The following HLCS variants were observed in gnomAD, a reference collection of about 807,000 sequenced individuals.
HLCS encodes biotin--protein ligase.
Under a neutral mutation model 75.0 loss-of-function variants are expected in HLCS, and 53 were observed. That is an observed-to-expected ratio of 0.71 (90% CI 0.57 to 0.89). The LOEUF is 0.89. HLCS is among the 40% of genes least tolerant of loss of function. HLCS has a pLI of 0.00. For synonymous variants in HLCS, 431 were observed against 428.6 expected (o/e 1.01, Z -0.07); for missense variants, 966 against 1,074.0 (o/e 0.90, Z 1.41).
At chr21:36,809,070 T>C (rs1199772261) in intron 6 of HLCS, among the ~76,000 whole-genome samples, 1 of 151,932 alleles carries the variant, frequency 6.6e-6, no homozygotes, top group African/African-American at 2.4e-5. Flanking sequence ...AAAAAATAGC[T>C]GGGTGTGGTG....
At chr21:36,881,827 G>A (rs953138077) in intron 6 of HLCS, among the ~76,000 whole-genome samples, 5 of 152,128 alleles carry the variant, frequency 3.3e-5, no homozygotes, top group African/African-American at 9.7e-5. Context: ...GGACAGGGGG[G>A]CTCTGCACCA....
intron 6 of HLCS, among the ~76,000 whole-genome samples, chr21:36,861,946 C>A (rs933073611): frequency 3.3e-5 from 5 of 152,194 alleles, no homozygotes; most frequent in Admixed American, 2.0e-4. Context: ...CCTCCACCCC[C>A]CTCAACCAAT....
intron 6 of HLCS, among the ~76,000 whole-genome samples, chr21:36,771,996 C>CA (rs398061730): frequency 0.066 from 7,065 of 107,042 alleles, 179 homozygotes; most frequent in Middle Eastern, 0.17. Flanking sequence ...GACTCCAACT[C>CA]AAAAAAAAAA....
At chr21:36,901,933 T>C (rs1275011572) in intron 5 of HLCS, among the ~76,000 whole-genome samples, 3 of 151,564 alleles carry the variant, frequency 2.0e-5, no homozygotes, top group Non-Finnish European at 4.4e-5. Context: ...GCAAAAGAGA[T>C]TGAGAAAGGG....
chr21:36,893,529 C>T (rs575659713), intron 6 of HLCS, among the ~76,000 whole-genome samples: 1 of 152,160 alleles, frequency 6.6e-6, no homozygotes, highest in Admixed American at 6.5e-5. Context: ...ACCTTTTTGG[C>T]ACCAGGGTCC....
At chr21:36,814,448 A>G (rs2061601963) in intron 6 of HLCS, among the ~76,000 whole-genome samples, 1 of 152,264 alleles carries the variant, frequency 6.6e-6, no homozygotes, top group Non-Finnish European at 1.5e-5. Context: ...TGCATGGGAT[A>G]TACTTACACT....
intron 1 of HLCS, among the ~76,000 whole-genome samples, chr21:36,980,196 TAAA>T (rs113653823): frequency 1.4e-5 from 2 of 139,714 alleles, no homozygotes; most frequent in African/African-American, 5.4e-5. Flanking sequence ...TGACTATATT[TAAA>T]AAAAAAAAAA....
chr21:36,836,733 C>T (rs958158150), intron 6 of HLCS, among the ~76,000 whole-genome samples: 12 of 151,898 alleles, frequency 7.9e-5, no homozygotes, highest in African/African-American at 2.9e-4. Context: ...CAAAAGAAGA[C>T]ATTTATGCAG....
At chr21:36,941,357 A>G (rs2067133779) in intron 2 of HLCS, among the ~76,000 whole-genome samples, 1 of 152,214 alleles carries the variant, frequency 6.6e-6, no homozygotes, top group African/African-American at 2.4e-5. Context: ...AAGAACTGTG[A>G]GTCAATTAAA....
intron 6 of HLCS, among the ~76,000 whole-genome samples, chr21:36,838,305 C>CAT: frequency 6.6e-6 from 1 of 151,706 alleles, no homozygotes. Flanking sequence ...TGATCACACA[C>CAT]ACACACACAC....
At chr21:36,909,850 G>A (rs770645725) in intron 5 of HLCS, among the ~76,000 whole-genome samples, 33 of 152,314 alleles carry the variant, frequency 2.2e-4, no homozygotes, top group Non-Finnish European at 1.0e-4. Flanking sequence ...TGATCTCCAT[G>A]TATGTTTTGG....
chr21:36,945,962 C>A, intron 2 of HLCS: 1 of 220,728 alleles, frequency 4.5e-6, no homozygotes. Context: ...ACTCAAATTC[C>A]CCATGCTTCA....
intron 6 of HLCS, among the ~76,000 whole-genome samples, chr21:36,857,439 C>A (rs767133585): frequency 1.3e-5 from 2 of 152,296 alleles, no homozygotes; most frequent in Middle Eastern, 6.8e-3. Flanking sequence ...AGTCCTATTC[C>A]GAAGAGGTTC....
intron 1 of HLCS, among the ~76,000 whole-genome samples, chr21:36,988,311 C>A (rs897946481): frequency 6.6e-6 from 1 of 152,062 alleles, no homozygotes; most frequent in Non-Finnish European, 1.5e-5. Context: ...AGTAGCCTAA[C>A]ACAGTACTCT....
chr21:36,938,420 G>C (rs1455381047), intron 3 of HLCS, among the ~76,000 whole-genome samples: 1 of 152,144 alleles, frequency 6.6e-6, no homozygotes, highest in Non-Finnish European at 1.5e-5. Context: ...CAAACCTGTG[G>C]ACTGAATTAA....
At chr21:36,799,654 T>A (rs988865869) in intron 6 of HLCS, among the ~76,000 whole-genome samples, 6 of 152,160 alleles carry the variant, frequency 3.9e-5, no homozygotes. Context: ...ACACCCCACC[T>A]GCATGCTCAC....
chr21:36,780,941 A>T (rs907541010), intron 6 of HLCS, among the ~76,000 whole-genome samples: 1 of 61,358 alleles, frequency 1.6e-5, no homozygotes, highest in African/African-American at 5.9e-5. Context: ...CCACCCCCCC[A>T]CCCCCCAGGC....
At chr21:36,939,121 T>A (rs1170566247) in intron 2 of HLCS, 127 bp from the exon 3 acceptor site, 7 of 778,616 alleles carry the variant, frequency 9.0e-6, no homozygotes, top group Non-Finnish European at 1.4e-5. Context: ...TAATAACAAA[T>A]TACTGGATAT....
At chr21:36,806,523 C>T (rs1050377323) in intron 6 of HLCS, among the ~76,000 whole-genome samples, 3 of 151,914 alleles carry the variant, frequency 2.0e-5, no homozygotes, top group Admixed American at 2.0e-4. Flanking sequence ...ATCTTTTGAC[C>T]GCACAGCAAA....
Sources: allele counts gnomAD v4.1 joint callset (sites outside exome capture counted in the v4.1 genomes callset), GRCh38; gene constraint gnomAD v4.1.1; transcripts MANE v1.5; gene names NCBI Gene and HGNC (gene_info 2026-07-23, HGNC 2026-07-21).